The following FBN1 variants were observed in gnomAD, a reference collection of about 807,000 sequenced individuals.
The protein encoded by FBN1 is fibrillin-1.
Under a neutral mutation model 365.1 loss-of-function variants are expected in FBN1, and 29 were observed. The observed-to-expected ratio is 0.08, with a 90% CI of 0.06 to 0.11. The LOEUF (loss-of-function observed/expected upper bound fraction) is 0.11. FBN1 is among the 10% of genes least tolerant of loss of function. FBN1 has a pLI of 1.00. For missense variants in FBN1, 2,476 were observed against 3,703.2 expected, an observed-to-expected ratio of 0.67 and a Z score of 8.60; for synonymous variants, 1,210 against 1,270.5, an observed-to-expected ratio of 0.95 and a Z score of 1.01.
At chr15:48,566,349 G>T (rs748867502) in intron 6 of FBN1, among the ~76,000 whole-genome samples, 2 of 152,202 alleles carry the variant, frequency 1.3e-5, no homozygotes, top group Non-Finnish European at 2.9e-5. Flanking sequence ...GCTATTTTGT[G>T]TCAACTTGAA....
chr15:48,495,232 A>G lies in FBN1; in HGVS notation c.2568T>C (p.Thr856=), dbSNP rs781607814. The change falls in exon 22 of 66, where the codon ACT becomes ACC. Residue 856 remains threonine (T), a synonymous_variant. Coordinates refer to ENST00000316623, the MANE Select transcript of FBN1 (RefSeq NM_000138.5). ...IETIKGTCWQ[T]VIDGRCEINI... is the part of the protein sequence containing the mutation. ...TGATCTCACATCGCCCATCAATGAC[A>G]GTCTGCCAGCAAGTGCCCTTGATGG... The G allele has an allele frequency of 6.2e-7, 1 of 1,614,178 alleles. No homozygotes were observed. The highest frequency in any genetic ancestry group is 8.5e-7 in the Non-Finnish European group (1 of 1,180,040).
At chr15:48,430,941 C>T in intron 55 of FBN1, 139 bp from the exon 56 acceptor site, 1 of 813,504 alleles carries the variant, frequency 1.2e-6, no homozygotes, top group Non-Finnish European at 2.0e-6. Flanking sequence ...TCCTTCTGCT[C>T]TGTTGAGTAT....
intron 32 of FBN1, among the ~76,000 whole-genome samples, chr15:48,476,267 G>T (rs2043417411): frequency 6.6e-6 from 1 of 152,174 alleles, no homozygotes; most frequent in African/African-American, 2.4e-5. Context: ...TCCCCTCAGA[G>T]GTAATGCAAC....
chr15:48,475,869 T>C (rs752811722), intron 32 of FBN1, among the ~76,000 whole-genome samples: 4 of 152,316 alleles, frequency 2.6e-5, no homozygotes, highest in South Asian at 2.1e-4. Flanking sequence ...TAAGAACAGA[T>C]TGCTCCTACA....
At position 48,515,401 on chromosome 15, in the gene FBN1, C is replaced by A. The variant is rs371985966; in HGVS notation, c.1454G>T (p.Arg485Leu). ...ECNKGFQLDL[R>L]GECIDVDECE... ...GGATCACGTACCAATACACTCCCCA[C>A]GGAGGTCCAGCTGGAACCCTTTGTT... is the stretch of plus-strand genomic sequence containing the variant. The change falls in exon 12 of 66, where the codon CGT becomes CTT. Residue 485 changes from arginine to leucine, a missense_variant. Physicochemically the swap from Arg to Leu is moderately radical, Grantham distance 102. Around this residue, in one of 5 missense-constraint regions of FBN1, gnomAD observed 421 missense variants for 520.1 expected, o/e 0.81. Transcript: ENST00000316623. 2 of 1,613,958 alleles carry A rather than the reference C, an allele frequency of 1.2e-6. No individual in the cohort carries two copies. The highest frequency in any genetic ancestry group is 1.7e-6 in the Non-Finnish European group (2 of 1,179,888).
At chr15:48,512,974 T>C (rs1409234722) in intron 13 of FBN1, among the ~76,000 whole-genome samples, 2 of 152,174 alleles carry the variant, frequency 1.3e-5, no homozygotes, top group African/African-American at 4.8e-5. Flanking sequence ...ATGGGAAATT[T>C]TTTATGAGGG....
At chr15:48,438,807 C>T (rs1163718859) in intron 50 of FBN1, among the ~76,000 whole-genome samples, 1 of 152,160 alleles carries the variant, frequency 6.6e-6, no homozygotes, top group Non-Finnish European at 1.5e-5. Flanking sequence ...TTCCATTTCT[C>T]ATACAACACA....
chr15:48,484,085 T>A (rs1342812838), intron 30 of FBN1, 142 bp from the exon 31 acceptor site: 21 of 851,220 alleles, frequency 2.5e-5, no homozygotes, highest in Middle Eastern at 2.4e-4. Context: ...AAGCTTTGCA[T>A]AAACTAGCCC....
At chr15:48,473,080 G>A (rs1200188086) in intron 34 of FBN1, among the ~76,000 whole-genome samples, 1 of 152,148 alleles carries the variant, frequency 6.6e-6, no homozygotes, top group Non-Finnish European at 1.5e-5. Context: ...AATTCCATCT[G>A]CTTAATCTCT....
intron 6 of FBN1, among the ~76,000 whole-genome samples, chr15:48,590,944 A>G (rs758561624): frequency 6.6e-6 from 1 of 152,218 alleles, no homozygotes; most frequent in East Asian, 1.9e-4. Context: ...AGACTTGGGT[A>G]GGAATTTAAC....
rs935300311 is a variant in FBN1, at chr15:48,489,231, T to G, written c.3082+620A>C. Among the ~76,000 whole-genome samples the G allele has an allele frequency of 3.1e-4, 24 of 77,590 alleles. No homozygotes were observed. In the South Asian group the frequency reaches 6.8e-3, roughly 22 times the overall value. 50.9% of individuals were successfully genotyped at this position (77,590 alleles called of 152,430 possible). On this transcript the variant is annotated intron_variant, in intron 25 of 65. Coordinates refer to ENST00000316623, the MANE Select transcript of FBN1 (RefSeq NM_000138.5). ...TTTTTTTTTTTTTTTTTTTTTTTTG[T>G]AGACACAGGGTTTCACCATGTTGCC...
chr15:48,589,592 C>G (rs891130929), intron 6 of FBN1, among the ~76,000 whole-genome samples: 1 of 149,436 alleles, frequency 6.7e-6, no homozygotes, highest in Admixed American at 6.7e-5. Flanking sequence ...CCCCTGCTAT[C>G]TACACATTGT....
At chr15:48,412,242 T>C (rs2141211125) in intron 65 of FBN1, among the ~76,000 whole-genome samples, 1 of 152,364 alleles carries the variant, frequency 6.6e-6, no homozygotes, top group Non-Finnish European at 1.5e-5. Context: ...GAGCACTATG[T>C]CACTTCGCTA....
At chr15:48,553,976 T>TAC (rs2044161603) in intron 6 of FBN1, among the ~76,000 whole-genome samples, 1 of 152,174 alleles carries the variant, frequency 6.6e-6, no homozygotes, top group African/African-American at 2.4e-5. Context: ...AGGAAGACTT[T>TAC]TGCTTCATTT....
intron 10 of FBN1, among the ~76,000 whole-genome samples, chr15:48,517,186 G>C (rs2043811861): frequency 6.6e-6 from 1 of 152,170 alleles, no homozygotes; most frequent in Non-Finnish European, 1.5e-5. Context: ...ACATCCAAGT[G>C]GAGCTATCAC....
intron 6 of FBN1, 122 bp from the exon 7 acceptor site, chr15:48,537,930 A>C (rs907361161): frequency 3.0e-6 from 3 of 987,966 alleles, no homozygotes; most frequent in Admixed American, 2.0e-5. Context: ...GGACAGAATC[A>C]TGCATCACTG....
chr15:48,471,397 A>C (rs1477264553), intron 35 of FBN1, among the ~76,000 whole-genome samples: 5 of 152,144 alleles, frequency 3.3e-5, no homozygotes, highest in Non-Finnish European at 1.5e-5. Context: ...CAAACAAACA[A>C]AACCTTCTCT....
At chr15:48,542,782 TG>T (rs1566923376) in intron 6 of FBN1, among the ~76,000 whole-genome samples, 1 of 1,548 alleles carries the variant, frequency 6.5e-4, no homozygotes, top group Non-Finnish European at 2.6e-3. Context: ...GACTCTAAGA[TG>T]TGTGTGTGTG....
chr15:48,583,808 C>T (rs2044415114), intron 6 of FBN1, among the ~76,000 whole-genome samples: 1 of 152,080 alleles, frequency 6.6e-6, no homozygotes, highest in Non-Finnish European at 1.5e-5. Flanking sequence ...TTACTATTTG[C>T]ACTATTGTAG....
Sources: allele counts gnomAD v4.1 joint callset (sites outside exome capture counted in the v4.1 genomes callset), GRCh38; gene constraint gnomAD v4.1.1; regional missense constraint gnomAD v4.1.1; transcripts MANE v1.5; gene names NCBI Gene and HGNC (gene_info 2026-07-23, HGNC 2026-07-21).